PTCHD4: variants seen among roughly 807,000 people sequenced by gnomAD.
PTCHD4 encodes patched domain-containing protein 4.
PTCHD4 carries 33 observed loss-of-function variants against 58.1 expected under a neutral mutation model. That is an observed-to-expected ratio of 0.57 (90% CI 0.43 to 0.76). The LOEUF (loss-of-function observed/expected upper bound fraction) is 0.76. Ranked by LOEUF, PTCHD4 falls within the 30% of genes least tolerant of loss-of-function variation. The probability of loss-of-function intolerance (pLI) is 0.00; values close to 1 mark genes in which losing one functional copy is unlikely to be tolerated. For missense variants in PTCHD4, 1,058 were observed against 1,027.1 expected, an observed-to-expected ratio of 1.03 and a Z score of -0.41; for synonymous variants, 478 against 409.6, an observed-to-expected ratio of 1.17 and a Z score of -2.02.
chr6:47,908,673 G>T (rs1764976526), intron 4 of PTCHD4, among the ~76,000 whole-genome samples: 2 of 152,096 alleles, frequency 1.3e-5, no homozygotes, highest in Admixed American at 6.5e-5. Flanking sequence ...ACCTCGTCAT[G>T]GTTTCTACCA....
chr6:47,892,576 T>C (rs536214276), intron 4 of PTCHD4, among the ~76,000 whole-genome samples: 5 of 152,356 alleles, frequency 3.3e-5, no homozygotes, highest in Admixed American at 3.3e-4. Flanking sequence ...GGATGCTGAC[T>C]TAGGATTTTT....
At position 48,068,813 on chromosome 6, in the gene PTCHD4, T is replaced by G; in HGVS notation, c.5+140A>C. 3.2e-6 allele frequency: 2 copies of G among 631,342 alleles called. No homozygotes were observed. Among genetic ancestry groups the G allele is most frequent in the Non-Finnish European group, 5.4e-6 (2 of 369,082 alleles). 39.1% of individuals were successfully genotyped at this position (631,342 alleles called of 1,614,324 possible). A position where few individuals can be genotyped will look rare whatever the true frequency, so the allele number is the denominator to read the frequency against. On this transcript the variant is annotated intron_variant, in intron 2 of 4. Coordinates refer to ENST00000339488, the MANE Select transcript of PTCHD4 (RefSeq NM_001384253.1). This position sits in a 1 kb window ranked among gnomAD's most constrained non-coding sequence, Gnocchi z 4.2. ...CGGCCCCACCTCCATGCGCTCCTAC[T>G]ACTCTTTCAAACACTGCAGCAAGTT...
At chr6:47,996,029 T>G (rs1379942439) in intron 4 of PTCHD4, among the ~76,000 whole-genome samples, 3 of 152,246 alleles carry the variant, frequency 2.0e-5, no homozygotes. Context: ...GTTTGTTATA[T>G]AGGTAAATTC....
At chr6:47,914,913 A>G (rs1400377708) in intron 4 of PTCHD4, among the ~76,000 whole-genome samples, 1 of 152,094 alleles carries the variant, frequency 6.6e-6, no homozygotes, top group Non-Finnish European at 1.5e-5. Context: ...AAAAGGGAGC[A>G]TGAAAGTGAT....
rs1201402670 is a variant in PTCHD4, at chr6:48,068,772, C to G, written c.6-131G>C. 1.3e-6 allele frequency: 1 copy of G among 797,388 alleles called. No individual in the cohort carries two copies. The highest frequency in any genetic ancestry group is 1.9e-6 in the Non-Finnish European group (1 of 517,230). The allele number at this position is 797,388 out of a possible 1,614,324, so 49.4% of individuals were successfully genotyped here. ...ACTCCGCGCTCACCCCACAACCACTCCGCCTGGTCTTTCCCCGGCCCCACC... is the reference window on the plus strand; with the variant it reads ...ACTCCGCGCTCACCCCACAACCACTGCGCCTGGTCTTTCCCCGGCCCCACC... On this transcript the variant is annotated intron_variant, in intron 2 of 4. Coordinates refer to ENST00000339488, the MANE Select transcript of PTCHD4 (RefSeq NM_001384253.1). The surrounding 1 kb of genome is among the most constrained non-coding windows in gnomAD (Gnocchi z 4.2).
rs551993478 is a variant in PTCHD4, at chr6:48,066,261, G to A, written c.417+1969C>T. ...AGCACAACAAATGATTATTAAATGAGTAAACTGAATACCTCAGGGATTTTA... is the reference window on the plus strand; with the variant it reads ...AGCACAACAAATGATTATTAAATGAATAAACTGAATACCTCAGGGATTTTA... On this transcript the variant is annotated intron_variant, in intron 3 of 4. Transcript: ENST00000339488. Among the ~76,000 whole-genome samples, 15 of 152,248 alleles carry A rather than the reference G, an allele frequency of 9.9e-5. 1 individual carries two copies. The South Asian group carries it at 3.1e-3, about 32-fold the overall frequency.
At position 48,068,453 on chromosome 6, in the gene PTCHD4, C is replaced by A; in HGVS notation, c.194G>T (p.Gly65Val). The change falls in exon 3 of 5, where the codon GGC (glycine) becomes GTC (valine). Residue 65 changes from glycine to valine, a missense_variant. Transcript: ENST00000339488. This position sits in a 1 kb window ranked among gnomAD's most constrained non-coding sequence, Gnocchi z 4.2. ...GGGAGCGACCAGGCGCTCCAGGTCGCCCTCGGGCTGGAAGCGGTTGAGCGC... is the reference window on the plus strand; with the variant it reads ...GGGAGCGACCAGGCGCTCCAGGTCGACCTCGGGCTGGAAGCGGTTGAGCGC... ...LSALNRFQPE[G>V]DLERLVAPSH... 6.2e-7 allele frequency: 1 copy of A among 1,613,760 alleles called. No homozygotes were observed. Among genetic ancestry groups the A allele is most frequent in the Non-Finnish European group, 8.5e-7 (1 of 1,179,850 alleles).
intron 4 of PTCHD4, among the ~76,000 whole-genome samples, chr6:47,927,609 G>C (rs527690831): frequency 6.6e-6 from 1 of 152,206 alleles, no homozygotes; most frequent in African/African-American, 2.4e-5. Context: ...CTTAGGACTT[G>C]AGGTCTAATT....
intron 1 of PTCHD4, among the ~76,000 whole-genome samples, chr6:48,092,624 T>G (rs1347033319): frequency 1.3e-5 from 2 of 152,136 alleles, no homozygotes; most frequent in African/African-American, 4.8e-5. Flanking sequence ...AATCAATGAT[T>G]GGATAATCAC....
intron 3 of PTCHD4, among the ~76,000 whole-genome samples, chr6:48,030,469 A>T (rs1399519350): frequency 6.6e-6 from 1 of 152,102 alleles, no homozygotes; most frequent in East Asian, 1.9e-4. Flanking sequence ...TACCTTCCTG[A>T]CTTAGCACCA....
intron 1 of PTCHD4, among the ~76,000 whole-genome samples, chr6:48,100,480 A>AACCAAGT (rs1765580264): frequency 6.6e-6 from 1 of 152,196 alleles, no homozygotes; most frequent in Admixed American, 6.5e-5. Context: ...ACGTGATCAA[A>AACCAAGT]ACCAAGTTCA....
rs1480184726 is a variant in PTCHD4, at chr6:47,858,293, A to C, written c.*20010T>G. Among the ~76,000 whole-genome samples, 1 of 152,006 alleles carries C rather than the reference A, an allele frequency of 6.6e-6. No homozygotes were observed. Among genetic ancestry groups the C allele is most frequent in the Non-Finnish European group, 1.5e-5 (1 of 67,948 alleles). Reference sequence around the variant, plus strand: ...AATCTGATTTGAGTTTATCATATTCACCTTACTCCATTAATAAATTTCTTC... The same window carrying C: ...AATCTGATTTGAGTTTATCATATTCCCCTTACTCCATTAATAAATTTCTTC... On this transcript the variant is annotated 3_prime_UTR_variant, in exon 5 of 5. Coordinates refer to ENST00000339488, the MANE Select transcript of PTCHD4 (RefSeq NM_001384253.1).
intron 4 of PTCHD4, among the ~76,000 whole-genome samples, chr6:47,965,953 AC>A (rs1015719553): frequency 6.6e-6 from 1 of 152,002 alleles, no homozygotes; most frequent in Non-Finnish European, 1.5e-5. Flanking sequence ...AAAAACAACA[AC>A]AAAAAAAACC....
At chr6:47,880,095 G>C (rs752063628) in intron 4 of PTCHD4, among the ~76,000 whole-genome samples, 159 bp from the exon 5 acceptor site, 1 of 152,094 alleles carries the variant, frequency 6.6e-6, no homozygotes, top group Non-Finnish European at 1.5e-5. Context: ...TTATGGACAG[G>C]ATACATTTGG....
intron 4 of PTCHD4, among the ~76,000 whole-genome samples, chr6:47,923,995 G>A (rs16876825): frequency 0.11 from 15,980 of 152,126 alleles, 860 homozygotes; most frequent in Middle Eastern, 0.13. Context: ...ACTAACTCTG[G>A]ATGGTCAGCA....
At chr6:48,020,631 G>T (rs1413416418) in intron 3 of PTCHD4, among the ~76,000 whole-genome samples, 1 of 152,080 alleles carries the variant, frequency 6.6e-6, no homozygotes, top group Non-Finnish European at 1.5e-5. Flanking sequence ...GGAGGATAAA[G>T]TCTTTTCTTT....
In PTCHD4 at chr6:47,877,994, A is replaced by G. The variant is rs1379991593; in HGVS notation, c.*309T>C. 4.7e-6 allele frequency: 1 copy of G among 210,848 alleles called. No homozygotes were observed. Among genetic ancestry groups the G allele is most frequent in the East Asian group, 1.1e-4 (1 of 9,292 alleles). The allele number at this position is 210,848 out of a possible 1,614,324, so 13.1% of individuals were successfully genotyped here. On this transcript the variant is annotated 3_prime_UTR_variant, in exon 5 of 5. Coordinates refer to ENST00000339488, the MANE Select transcript of PTCHD4 (RefSeq NM_001384253.1). ...CATCACTCCTAAGCATTTTATTTTTAAAAGAAGCTGGTTATTTTGGCCTTC... is the reference window on the plus strand; with the variant it reads ...CATCACTCCTAAGCATTTTATTTTTGAAAGAAGCTGGTTATTTTGGCCTTC...
chr6:47,951,610 C>G (rs1442005743), intron 4 of PTCHD4, among the ~76,000 whole-genome samples: 1 of 152,072 alleles, frequency 6.6e-6, no homozygotes, highest in Non-Finnish European at 1.5e-5. Flanking sequence ...GGCCATGCCC[C>G]AAACAAGGAA....
rs1440023133 is a variant in PTCHD4 at position 47,871,887 on chromosome 6, T to G, written c.*6416A>C. Among the ~76,000 whole-genome samples the G allele has an allele frequency of 6.6e-6, 1 of 151,690 alleles. No homozygotes were observed. Among genetic ancestry groups the G allele is most frequent in the African/African-American group, 2.4e-5 (1 of 41,388 alleles). The stretch of plus-strand genomic sequence containing the variant: ...TAAACTACTAAAACTTTGGGATATT[T>G]GCATTGACTAGTTTAAGGTCTAGTT... On this transcript the variant is annotated 3_prime_UTR_variant, in exon 5 of 5. Coordinates refer to ENST00000339488, the MANE Select transcript of PTCHD4 (RefSeq NM_001384253.1).
Sources: allele counts gnomAD v4.1 joint callset (sites outside exome capture counted in the v4.1 genomes callset), GRCh38; gene constraint gnomAD v4.1.1; non-coding constraint Gnocchi (gnomAD v3.1); transcripts MANE v1.5; gene names NCBI Gene and HGNC (gene_info 2026-07-23, HGNC 2026-07-21).